The following NAALADL2 variants were observed in gnomAD, a reference collection of about 807,000 sequenced individuals.
NAALADL2 encodes the protein inactive N-acetylated-alpha-linked acidic dipeptidase-like protein 2.
In NAALADL2, 76 loss-of-function variants were observed where a neutral mutation model predicts 87.2. The ratio of observed to expected loss-of-function variants is 0.87; its 90% CI spans 0.72 to 1.05. NAALADL2 has a LOEUF of 1.05. Ranked by LOEUF, NAALADL2 falls within the 50% of genes least tolerant of loss-of-function variation. The probability of loss-of-function intolerance (pLI) is 0.00; values close to 1 mark genes in which losing one functional copy is unlikely to be tolerated. For missense variants in NAALADL2, 1,089 were observed against 945.8 expected, an observed-to-expected ratio of 1.15 and a Z score of -1.99; for synonymous variants, 354 against 331.0, an observed-to-expected ratio of 1.07 and a Z score of -0.75.
chr3:175,248,615 A>G (rs1367211527), intron 3 of NAALADL2, among the ~76,000 whole-genome samples: 1 of 152,198 alleles, frequency 6.6e-6, no homozygotes, highest in South Asian at 2.1e-4. Context: ...ATATTCAGTC[A>G]TTTATTCATT....
intron 2 of NAALADL2, among the ~76,000 whole-genome samples, chr3:175,145,480 G>A (rs550215731): frequency 1.8e-4 from 28 of 152,158 alleles, no homozygotes; most frequent in African/African-American, 6.5e-4. Context: ...TTGGCTTGAC[G>A]AGCAATGGAT....
intron 5 of NAALADL2, among the ~76,000 whole-genome samples, chr3:175,426,498 GC>G (rs1560532239): frequency 6.6e-6 from 1 of 152,052 alleles, no homozygotes; most frequent in Non-Finnish European, 1.5e-5. Context: ...TAGAATCAAT[GC>G]CACACACTCA....
intron 1 of NAALADL2, among the ~76,000 whole-genome samples, chr3:174,895,243 T>A (rs1265245456): frequency 2.0e-5 from 3 of 151,734 alleles, no homozygotes; most frequent in South Asian, 4.2e-4. Flanking sequence ...AAACAAAGAG[T>A]TGGTTTTTTG....
chr3:175,121,279 G>A (rs184818049), intron 2 of NAALADL2, among the ~76,000 whole-genome samples: 278 of 151,888 alleles, frequency 1.8e-3, no homozygotes, highest in African/African-American at 6.3e-3. Flanking sequence ...ACTTGTCTTA[G>A]GTTCTTTGTC....
chr3:175,545,988 G>C (rs954320836), intron 9 of NAALADL2, among the ~76,000 whole-genome samples: 17 of 151,996 alleles, frequency 1.1e-4, no homozygotes, highest in African/African-American at 3.1e-4. Flanking sequence ...TCAGATGTCT[G>C]GTATTTTGAT....
chr3:175,010,788 G>A (rs1749676211), intron 1 of NAALADL2, among the ~76,000 whole-genome samples: 1 of 152,044 alleles, frequency 6.6e-6, no homozygotes, highest in Non-Finnish European at 1.5e-5. Context: ...TGCTTGTATA[G>A]TCTAGTATCA....
At chr3:175,527,284 G>T (rs1019748355) in intron 9 of NAALADL2, among the ~76,000 whole-genome samples, 1 of 152,094 alleles carries the variant, frequency 6.6e-6, no homozygotes, top group African/African-American at 2.4e-5. Flanking sequence ...AGCTGATGAG[G>T]CCCTTCAACA....
intron 3 of NAALADL2, among the ~76,000 whole-genome samples, chr3:174,749,029 A>C (rs1734559487): frequency 6.6e-6 from 1 of 152,146 alleles, no homozygotes; most frequent in Admixed American, 6.6e-5. Flanking sequence ...AATAATAAAC[A>C]ACCTTTGGCT....
At chr3:175,603,125 T>G (rs1329341258) in intron 10 of NAALADL2, among the ~76,000 whole-genome samples, 1 of 152,192 alleles carries the variant, frequency 6.6e-6, no homozygotes, top group Non-Finnish European at 1.5e-5. Flanking sequence ...TCATCTAATC[T>G]ACTGCTCATA....
chr3:175,338,434 G>A (rs150140588), intron 5 of NAALADL2, among the ~76,000 whole-genome samples: 5 of 151,940 alleles, frequency 3.3e-5, no homozygotes, highest in African/African-American at 1.2e-4. Context: ...TGAGAATAAG[G>A]AGATAGGAGT....
At chr3:175,621,826 C>T (rs1726271440) in intron 10 of NAALADL2, among the ~76,000 whole-genome samples, 2 of 151,748 alleles carry the variant, frequency 1.3e-5, no homozygotes, top group Admixed American at 1.3e-4. Context: ...GTTTTGGTGC[C>T]CACAGGAGTT....
intron 1 of NAALADL2, chr3:175,081,185 C>T (rs1717741452): frequency 6.6e-6 from 1 of 152,150 alleles, no homozygotes; most frequent in African/African-American, 2.4e-5. Flanking sequence ...GTAGAAAATG[C>T]ATTGCTGTCA....
chr3:175,688,773 T>C (rs1297366587), intron 11 of NAALADL2, among the ~76,000 whole-genome samples: 1 of 152,086 alleles, frequency 6.6e-6, no homozygotes, highest in Non-Finnish European at 1.5e-5. Flanking sequence ...TCCTTTGTTC[T>C]TCACTCCTAT....
chr3:174,501,335 T>C (rs4894472), intron 1 of NAALADL2, among the ~76,000 whole-genome samples: 82,310 of 150,724 alleles, frequency 0.55, 23,563 homozygotes, highest in South Asian at 0.64. Context: ...GCCTCGGCCT[T>C]CCAAAGTGCT....
intron 4 of NAALADL2, among the ~76,000 whole-genome samples, chr3:175,304,022 T>TA (rs397945654): frequency 1.2e-4 from 19 of 152,032 alleles, no homozygotes; most frequent in Middle Eastern, 3.4e-3. Flanking sequence ...TTTTTTTTTT[T>TA]ACATATGAAA....
chr3:174,555,044 C>G (rs1372698222), intron 2 of NAALADL2, among the ~76,000 whole-genome samples: 1 of 152,148 alleles, frequency 6.6e-6, no homozygotes, highest in East Asian at 1.9e-4. Context: ...GCCCTCATGA[C>G]CTAGTCACCT....
intron 13 of NAALADL2, among the ~76,000 whole-genome samples, chr3:175,779,406 T>G (rs1750705671): frequency 2.0e-5 from 3 of 152,208 alleles, no homozygotes; most frequent in Admixed American, 2.0e-4. Flanking sequence ...TTTCTTCTTA[T>G]TTTTCCCTCT....
intron 13 of NAALADL2, among the ~76,000 whole-genome samples, chr3:175,770,148 C>G (rs1422362780): frequency 6.6e-6 from 1 of 152,162 alleles, no homozygotes; most frequent in East Asian, 1.9e-4. Flanking sequence ...TATTGCCTCA[C>G]TACATTGACA....
intron 2 of NAALADL2, among the ~76,000 whole-genome samples, chr3:175,115,008 C>G (rs1007452373): frequency 6.6e-6 from 1 of 151,602 alleles, no homozygotes; most frequent in African/African-American, 2.4e-5. Flanking sequence ...AAATAAATAT[C>G]TGAAACTGAA....
Sources: allele counts gnomAD v4.1 joint callset (sites outside exome capture counted in the v4.1 genomes callset), GRCh38; gene constraint gnomAD v4.1.1; transcripts MANE v1.5; gene names NCBI Gene and HGNC (gene_info 2026-07-23, HGNC 2026-07-21).